Variants in NTF3 observed in about 807,000 individuals in gnomAD.
The protein encoded by NTF3 is neurotrophin-3.
A neutral mutation model predicts 26.3 loss-of-function variants in NTF3; 8 were observed. The observed-to-expected ratio is 0.30, with a 90% CI of 0.18 to 0.55. The LOEUF is 0.55. Ranked by LOEUF, NTF3 falls within the 20% of genes least tolerant of loss-of-function variation. The pLI, the probability that NTF3 is intolerant of heterozygous loss-of-function variation, is 0.93. For synonymous variants in NTF3, 154 were observed against 145.5 expected (o/e 1.06, Z -0.42); for missense variants, 276 against 352.9 (o/e 0.78, Z 1.75).
chr12:5,457,624 T>C (rs996590451), intron 1 of NTF3, among the ~76,000 whole-genome samples: 1 of 152,178 alleles, frequency 6.6e-6, no homozygotes, highest in Non-Finnish European at 1.5e-5. Context: ...ATCTCTCAAA[T>C]GCACAATTAC....
intron 1 of NTF3, among the ~76,000 whole-genome samples, chr12:5,451,197 T>C (rs949268597): frequency 3.3e-5 from 5 of 152,232 alleles, no homozygotes; most frequent in African/African-American, 9.7e-5. Context: ...CCTTATGGGA[T>C]TGTACCCCTC....
intron 1 of NTF3, among the ~76,000 whole-genome samples, chr12:5,476,921 G>A (rs1300018776): frequency 6.6e-6 from 1 of 151,968 alleles, no homozygotes; most frequent in African/African-American, 2.4e-5. Flanking sequence ...TAAAAGGTTG[G>A]GCACAAATAT....
upstream of NTF3, among the ~76,000 whole-genome samples, chr12:5,430,984 A>C (rs1291785672): frequency 6.6e-6 from 1 of 151,958 alleles, no homozygotes; most frequent in Non-Finnish European, 1.5e-5. Flanking sequence ...ACTAAGTGGT[A>C]TTTTTCCCCC....
chr12:5,481,339 C>G (rs1420206486), intron 1 of NTF3, among the ~76,000 whole-genome samples: 1 of 151,782 alleles, frequency 6.6e-6, no homozygotes, highest in African/African-American at 2.4e-5. Context: ...ATCCCTTGCC[C>G]AGCACACCAC....
At chr12:5,450,229 C>G (rs1216486465) in intron 1 of NTF3, among the ~76,000 whole-genome samples, 3 of 152,176 alleles carry the variant, frequency 2.0e-5, no homozygotes, top group Non-Finnish European at 4.4e-5. Context: ...GGTGTCTAGA[C>G]CACCTTAGAG....
intron 1 of NTF3, among the ~76,000 whole-genome samples, chr12:5,486,060 G>A (rs1375838429): frequency 6.6e-6 from 1 of 152,138 alleles, no homozygotes; most frequent in Non-Finnish European, 1.5e-5. Context: ...GCCGCAGACC[G>A]CCAGTCAATA....
chr12:5,446,252 C>T lies in NTF3; in HGVS notation c.18+13910C>T, dbSNP rs146069956. ...CAACTCACAGAGGCAGATATTATAC[C>T]AGACTTGAGGGCACAGTTTGCATAA... On this transcript the variant is annotated intron_variant, in intron 1 of 1. Coordinates refer to ENST00000423158, the MANE Select transcript of NTF3 (RefSeq NM_001102654.2). Among the ~76,000 whole-genome samples the T allele has an allele frequency of 3.5e-3, 528 of 152,244 alleles. 8 individuals are homozygous for T. Among genetic ancestry groups the T allele is most frequent in the African/African-American group, 0.012 (508 of 41,540 alleles).
In NTF3 at chr12:5,494,584, G is replaced by T; in HGVS notation, c.409G>T (p.Val137Leu). 4.3e-6 allele frequency: 7 copies of T among 1,614,124 alleles called. No individual in the cohort carries two copies. The highest frequency in any genetic ancestry group is 5.9e-6 in the Non-Finnish European group (7 of 1,180,028). The change falls in exon 2 of 2, where the codon GTG (valine) becomes TTG (leucine). Residue 137 changes from valine (V) to leucine (L), a missense_variant. Transcript: ENST00000423158. This position sits in a 1 kb window ranked among gnomAD's most constrained non-coding sequence, Gnocchi z 8.3. ...PPPLYLMEDY[V>L]GSPVVANRTS... ...GCCCTTGTATCTCATGGAGGATTAC[G>T]TGGGCAGCCCCGTGGTGGCGAACAG...
At chr12:5,467,101 G>A (rs539952574) in intron 1 of NTF3, among the ~76,000 whole-genome samples, 43 of 151,812 alleles carry the variant, frequency 2.8e-4, no homozygotes, top group Non-Finnish European at 5.0e-4. Context: ...GTACTGGCAG[G>A]CGCCGGTAAT....
chr12:5,437,141 T>C (rs1395220867), intron 1 of NTF3, among the ~76,000 whole-genome samples: 1 of 152,146 alleles, frequency 6.6e-6, no homozygotes, highest in Non-Finnish European at 1.5e-5. Flanking sequence ...TAGAGGGGCA[T>C]GGAAACACAC....
At chr12:5,475,309 C>T (rs1940709131) in intron 1 of NTF3, among the ~76,000 whole-genome samples, 1 of 151,942 alleles carries the variant, frequency 6.6e-6, no homozygotes, top group African/African-American at 2.4e-5. Context: ...CTGTGGCACA[C>T]CTGCCTGACT....
chr12:5,457,955 C>T (rs1248583836), intron 1 of NTF3, among the ~76,000 whole-genome samples: 5 of 152,146 alleles, frequency 3.3e-5, no homozygotes, highest in Non-Finnish European at 5.9e-5. Flanking sequence ...TCACCACTGC[C>T]GCTACGCTAA....
intron 1 of NTF3, among the ~76,000 whole-genome samples, chr12:5,478,468 G>T (rs1195506330): frequency 7.1e-6 from 1 of 141,272 alleles, no homozygotes; most frequent in Non-Finnish European, 1.6e-5. Context: ...GACTACAGTC[G>T]GCAGGGATCC....
chr12:5,473,889 A>C (rs906744135), intron 1 of NTF3, among the ~76,000 whole-genome samples: 1 of 152,220 alleles, frequency 6.6e-6, no homozygotes, highest in Non-Finnish European at 1.5e-5. Flanking sequence ...CATGTCATCC[A>C]TCATCTTCAG....
intron 1 of NTF3, among the ~76,000 whole-genome samples, chr12:5,443,116 G>A (rs552166111): frequency 3.3e-5 from 5 of 152,156 alleles, no homozygotes; most frequent in Non-Finnish European, 4.4e-5. Flanking sequence ...AGAGCTGCGC[G>A]ATGTTGTGGG....
Position 5,494,131 on chromosome 12 carries a change from GTGCCAGAATAACACAGACTCAGC to G in NTF3, c.19-55_19-33del. On this transcript the variant is annotated intron_variant, in intron 1 of 1. Transcript: ENST00000423158. This position sits in a 1 kb window ranked among gnomAD's most constrained non-coding sequence, Gnocchi z 8.3. Reference sequence around the variant, plus strand: ...AGGGCTACTCAGCCTCAGGTAGCTGGTGCCAGAATAACACAGACTCAGCTGCCAGAGCCTGCTCTTAACACCTG... The same window carrying G: ...AGGGCTACTCAGCCTCAGGTAGCTGGTGCCAGAGCCTGCTCTTAACACCTG... 4 of 1,523,894 alleles carry G rather than the reference GTGCCAGAATAACACAGACTCAGC, an allele frequency of 2.6e-6. No homozygotes were observed. Among genetic ancestry groups the G allele is most frequent in the Non-Finnish European group, 3.6e-6 (4 of 1,120,996 alleles). 94.4% of individuals were successfully genotyped at this position (1,523,894 alleles called of 1,614,324 possible).
chr12:5,484,113 C>T (rs1333631706), intron 1 of NTF3, among the ~76,000 whole-genome samples: 1 of 152,186 alleles, frequency 6.6e-6, no homozygotes, highest in Non-Finnish European at 1.5e-5. Flanking sequence ...CTTAAATACA[C>T]TGACTGCTCT....
chr12:5,494,108 G>A lies in NTF3; in HGVS notation c.19-86G>A. The A allele has an allele frequency of 7.4e-7, 1 of 1,342,868 alleles. No homozygotes were observed. Among genetic ancestry groups the A allele is most frequent in the Non-Finnish European group, 1.0e-6 (1 of 966,820 alleles). The allele number at this position is 1,342,868 out of a possible 1,614,324, so 83.2% of individuals were successfully genotyped here. A position where few individuals can be genotyped will look rare whatever the true frequency, so the allele number is the denominator to read the frequency against. On this transcript the variant is annotated intron_variant, in intron 1 of 1. Coordinates refer to ENST00000423158, the MANE Select transcript of NTF3 (RefSeq NM_001102654.2). This position sits in a 1 kb window ranked among gnomAD's most constrained non-coding sequence, Gnocchi z 8.3. ...GGTACCCTCTCTCGTGCCCTCACAG[G>A]GCTACTCAGCCTCAGGTAGCTGGTG...
At chr12:5,464,473 T>C (rs539195175) in intron 1 of NTF3, among the ~76,000 whole-genome samples, 5 of 152,338 alleles carry the variant, frequency 3.3e-5, no homozygotes, top group African/African-American at 1.2e-4. Flanking sequence ...AAACCCATCA[T>C]TAATTGAAGA....
Sources: allele counts gnomAD v4.1 joint callset (sites outside exome capture counted in the v4.1 genomes callset), GRCh38; gene constraint gnomAD v4.1.1; non-coding constraint Gnocchi (gnomAD v3.1); transcripts MANE v1.5; gene names NCBI Gene and HGNC (gene_info 2026-07-23, HGNC 2026-07-21).